Variants in KSR2 observed in about 807,000 individuals in gnomAD.
KSR2 encodes the protein kinase suppressor of ras 2.
In KSR2, 25 loss-of-function variants were observed where a neutral mutation model predicts 107.8. That is an observed-to-expected ratio of 0.23 (90% CI 0.17 to 0.32). KSR2 has a LOEUF of 0.32. Ranked by LOEUF, KSR2 falls within the 10% of genes least tolerant of loss-of-function variation. The pLI, the probability that KSR2 is intolerant of heterozygous loss-of-function variation, is 1.00. For synonymous variants in KSR2, 480 were observed against 507.0 expected (o/e 0.95, Z 0.71); for missense variants, 887 against 1,268.9 (o/e 0.70, Z 4.57).
chr12:117,582,658 G>A (rs751303311), intron 5 of KSR2, among the ~76,000 whole-genome samples: 5 of 152,194 alleles, frequency 3.3e-5, no homozygotes, highest in South Asian at 2.1e-4. Flanking sequence ...TAAGTGATTC[G>A]CATGCCTTAG....
At chr12:117,827,274 C>T (rs1891795695) in intron 3 of KSR2, among the ~76,000 whole-genome samples, 1 of 152,178 alleles carries the variant, frequency 6.6e-6, no homozygotes, top group South Asian at 2.1e-4. Flanking sequence ...AAACCAAATG[C>T]AGCCAGATCC....
At chr12:117,794,725 A>G (rs1054193959) in intron 3 of KSR2, among the ~76,000 whole-genome samples, 7 of 152,176 alleles carry the variant, frequency 4.6e-5, no homozygotes, top group African/African-American at 1.7e-4. Flanking sequence ...ACACACCAAT[A>G]TGCACACACT....
rs1355544740 is a variant in KSR2, at chr12:117,762,791, C to G, written c.473-1267G>C. Among the ~76,000 whole-genome samples the G allele has an allele frequency of 2.0e-5, 3 of 151,944 alleles. No individual in the cohort carries two copies. In the East Asian group the frequency reaches 5.8e-4, roughly 29 times the overall value. The stretch of plus-strand genomic sequence containing the variant: ...CTGAGGCAATAAGAATCGCTTGAAC[C>G]CAGGAGGCAGAGGTTGCAGTGAGCT... On this transcript the variant is annotated intron_variant, in intron 3 of 19. Coordinates refer to ENST00000339824, the MANE Select transcript of KSR2 (RefSeq NM_173598.6).
At chr12:117,859,384 G>A (rs376104683) in intron 2 of KSR2, among the ~76,000 whole-genome samples, 11 of 151,520 alleles carry the variant, frequency 7.3e-5, no homozygotes, top group African/African-American at 2.2e-4. Flanking sequence ...GACCTCAAGT[G>A]ATCTGCCAAA....
At chr12:117,868,943 G>A (rs1178092703) in intron 1 of KSR2, among the ~76,000 whole-genome samples, 1 of 151,862 alleles carries the variant, frequency 6.6e-6, no homozygotes, top group Non-Finnish European at 1.5e-5. Context: ...TAGAGATGAG[G>A]TTTTGTGCCA....
chr12:117,708,387 G>C (rs1424262209), intron 4 of KSR2, among the ~76,000 whole-genome samples: 3 of 152,190 alleles, frequency 2.0e-5, no homozygotes, highest in Non-Finnish European at 4.4e-5. Flanking sequence ...CCCCACTAGA[G>C]ATGAAGGGAC....
Position 117,731,547 on chromosome 12 carries a change from T to A in KSR2, c.986+29464A>T, listed in dbSNP as rs1454103439. ...CCGTCTGGGAGGGGTACCCAACAGC[T>A]CATTGAGAACAGGCCATGATAACGA... On this transcript the variant is annotated intron_variant, in intron 4 of 19. Transcript: ENST00000339824. Among the ~76,000 whole-genome samples the A allele has an allele frequency of 2.6e-5, 4 of 152,182 alleles. No individual in the cohort carries two copies. In the East Asian group the frequency reaches 7.7e-4, roughly 29 times the overall value.
At chr12:117,735,596 C>T (rs1442709868) in intron 4 of KSR2, among the ~76,000 whole-genome samples, 1 of 152,080 alleles carries the variant, frequency 6.6e-6, no homozygotes, top group Non-Finnish European at 1.5e-5. Context: ...TGTAATCATG[C>T]ATTTAAGATA....
rs1469580555 is a variant in KSR2, at chr12:117,455,070, G to GAGAGAGAGAGAGAGAC, written c.*12128_*12129insGTCTCTCTCTCTCTCT. On this transcript the variant is annotated 3_prime_UTR_variant, in exon 20 of 20. Coordinates refer to ENST00000339824, the MANE Select transcript of KSR2 (RefSeq NM_173598.6). ...AGAGAGAGAGAGAGAGAGAGAGAGA[G>GAGAGAGAGAGAGAGAC]AGGTCTGTAGAGCCAGAGAGGGATG... is the stretch of plus-strand genomic sequence containing the variant. 1.6e-4 allele frequency: 24 copies of GAGAGAGAGAGAGAGAC among 149,206 alleles called. No homozygotes were observed. The highest frequency in any genetic ancestry group is 6.0e-4 in the African/African-American group (24 of 40,258). 9.2% of individuals were successfully genotyped at this position (149,206 alleles called of 1,614,324 possible). A position where few individuals can be genotyped will look rare whatever the true frequency, so the allele number is the denominator to read the frequency against.
At chr12:117,559,525 C>T (rs1423974056) in intron 7 of KSR2, among the ~76,000 whole-genome samples, 1 of 152,150 alleles carries the variant, frequency 6.6e-6, no homozygotes, top group Non-Finnish European at 1.5e-5. Context: ...CTGACTTGCC[C>T]TGACAGAAAA....
At chr12:117,955,016 C>CAAA (rs377637674) in intron 1 of KSR2, among the ~76,000 whole-genome samples, 2 of 122,356 alleles carry the variant, frequency 1.6e-5, no homozygotes, top group African/African-American at 3.0e-5. Flanking sequence ...GACCCTGTCT[C>CAAA]AAAAAAAAAA....
Position 117,464,899 on chromosome 12 carries a change from T to C in KSR2, c.*2300A>G, listed in dbSNP as rs1001359549. ...GAATGGAAAAATCAGCTGTTGGAGA[T>C]CATGCTAGGCCTTGCCAAAGGCTGT... is the stretch of plus-strand genomic sequence containing the variant. On this transcript the variant is annotated 3_prime_UTR_variant, in exon 20 of 20. Coordinates refer to ENST00000339824, the MANE Select transcript of KSR2 (RefSeq NM_173598.6). The C allele has an allele frequency of 6.6e-6, 1 of 152,266 alleles. No homozygotes were observed. The highest frequency in any genetic ancestry group is 1.5e-5 in the Non-Finnish European group (1 of 68,082). 9.4% of individuals were successfully genotyped at this position (152,266 alleles called of 1,614,324 possible).
chr12:117,570,104 G>A (rs1033627758), intron 7 of KSR2, among the ~76,000 whole-genome samples: 8 of 151,858 alleles, frequency 5.3e-5, no homozygotes, highest in East Asian at 1.9e-4. Flanking sequence ...CCAGGTTCAC[G>A]CCATTCTCCT....
chr12:117,857,057 G>C (rs1893127858), intron 2 of KSR2, among the ~76,000 whole-genome samples: 1 of 151,944 alleles, frequency 6.6e-6, no homozygotes. Flanking sequence ...GTTTATTTCT[G>C]GTTGTTGTTT....
intron 19 of KSR2, among the ~76,000 whole-genome samples, chr12:117,468,304 C>T (rs944663907): frequency 3.3e-5 from 5 of 152,246 alleles, no homozygotes; most frequent in African/African-American, 1.2e-4. Context: ...AGAGCAGTTT[C>T]ACTGCCCTCA....
intron 7 of KSR2, among the ~76,000 whole-genome samples, chr12:117,558,875 T>C (rs537085924): frequency 6.6e-6 from 1 of 151,542 alleles, no homozygotes; most frequent in Admixed American, 6.6e-5. Flanking sequence ...GATGAATAGA[T>C]GGATAAATGG....
chr12:117,778,294 T>C (rs1032192549), intron 3 of KSR2, among the ~76,000 whole-genome samples: 12 of 152,066 alleles, frequency 7.9e-5, no homozygotes, highest in African/African-American at 2.4e-4. Context: ...TTTCACCACA[T>C]TGGCCAGGCC....
At chr12:117,793,063 C>A (rs1566017172) in intron 3 of KSR2, among the ~76,000 whole-genome samples, 2 of 149,572 alleles carry the variant, frequency 1.3e-5, no homozygotes, top group Non-Finnish European at 3.0e-5. Context: ...CATGCACACA[C>A]ACCAACAGGC....
chr12:117,687,183 T>C (rs1240852172), intron 4 of KSR2, among the ~76,000 whole-genome samples: 1 of 152,222 alleles, frequency 6.6e-6, no homozygotes, highest in Non-Finnish European at 1.5e-5. Context: ...TTCTTATTTA[T>C]ACAACAGGAT....
Sources: allele counts gnomAD v4.1 joint callset (sites outside exome capture counted in the v4.1 genomes callset), GRCh38; gene constraint gnomAD v4.1.1; transcripts MANE v1.5; gene names NCBI Gene and HGNC (gene_info 2026-07-23, HGNC 2026-07-21).